The following USP37 variants were observed in gnomAD, a reference collection of about 807,000 sequenced individuals.
USP37 encodes ubiquitin carboxyl-terminal hydrolase 37.
In USP37, 27 loss-of-function variants were observed where a neutral mutation model predicts 124.0. The observed-to-expected ratio is 0.22, with a 90% CI of 0.16 to 0.30. The LOEUF is 0.30. USP37 is among the 10% of genes least tolerant of loss of function. The pLI, the probability that USP37 is intolerant of heterozygous loss-of-function variation, is 1.00. For synonymous variants in USP37, 365 were observed against 388.0 expected (o/e 0.94, Z 0.70); for missense variants, 889 against 1,140.4 (o/e 0.78, Z 3.17).
chr2:218,499,142 C>A lies in USP37; in HGVS notation c.1026-985G>T, dbSNP rs536744245. 8.2e-4 allele frequency among the ~76,000 whole-genome samples: 125 copies of A among 152,242 alleles called. No homozygotes were observed. In the Middle Eastern group the frequency reaches 0.014, roughly 17 times the overall value. On this transcript the variant is annotated intron_variant, in intron 11 of 25. Transcript: ENST00000258399. The stretch of plus-strand genomic sequence containing the variant: ...ACAAAAAATTAGCCAGGCGTGGAGG[C>A]ATGCGCCTGTAGTCCCAGCTACTTG...
intron 8 of USP37, among the ~76,000 whole-genome samples, chr2:218,544,422 TATATATATAGAGAGAGAGAGAG>T (rs1692195919): frequency 1.8e-5 from 1 of 56,334 alleles, no homozygotes; most frequent in Non-Finnish European, 3.0e-5. Context: ...TATATATATA[TATATATATAGAGAGAGAGAGAG>T]AGAGAGAGAG....
intron 8 of USP37, among the ~76,000 whole-genome samples, chr2:218,535,317 G>A (rs1319018564): frequency 6.6e-6 from 1 of 151,356 alleles, no homozygotes; most frequent in Non-Finnish European, 1.5e-5. Flanking sequence ...AGTGAGCCGT[G>A]ATCGCGCCAC....
intron 11 of USP37, among the ~76,000 whole-genome samples, chr2:218,499,081 T>C (rs1490171821): frequency 6.6e-6 from 1 of 152,172 alleles, no homozygotes; most frequent in Non-Finnish European, 1.5e-5. Context: ...GAAACCATCC[T>C]GGCTAACACG....
chr2:218,454,674 C>T lies in USP37; in HGVS notation c.*256G>A. The T allele has an allele frequency of 2.0e-6, 1 of 507,774 alleles. No individual in the cohort carries two copies. The highest frequency in any genetic ancestry group is 3.9e-5 in the East Asian group (1 of 25,400). 31.5% of individuals were successfully genotyped at this position (507,774 alleles called of 1,614,324 possible). Reference sequence around the variant, plus strand: ...CACATACACAGATATATATTTACAACATGTATTCCTAAGACAAAAGAAGTG... The same window carrying T: ...CACATACACAGATATATATTTACAATATGTATTCCTAAGACAAAAGAAGTG... On this transcript the variant is annotated 3_prime_UTR_variant, in exon 26 of 26. Coordinates refer to ENST00000258399, the MANE Select transcript of USP37 (RefSeq NM_020935.3).
rs1301016384 is a variant in USP37 at position 218,452,885 on chromosome 2, A to G, written c.*2045T>C. ...AATTTTATCACCGCTTCACTCATTT[A>G]TAAGAAAACCAATTATTTCCAAGCA... is the stretch of plus-strand genomic sequence containing the variant. On this transcript the variant is annotated 3_prime_UTR_variant, in exon 26 of 26. Transcript: ENST00000258399. The G allele has an allele frequency of 2.0e-5, 3 of 152,244 alleles. No homozygotes were observed. Among genetic ancestry groups the G allele is most frequent in the African/African-American group, 7.2e-5 (3 of 41,468 alleles). The allele number at this position is 152,244 out of a possible 1,614,324, so 9.4% of individuals were successfully genotyped here. A position where few individuals can be genotyped will look rare whatever the true frequency, so the allele number is the denominator to read the frequency against.
intron 23 of USP37, among the ~76,000 whole-genome samples, chr2:218,458,605 T>G (rs558700254): frequency 8.6e-5 from 13 of 151,782 alleles, no homozygotes; most frequent in African/African-American, 3.1e-4. Flanking sequence ...TAAAATAAAA[T>G]AAGGAAAATG....
chr2:218,492,327 A>G (rs1021676120), intron 14 of USP37, among the ~76,000 whole-genome samples: 9 of 152,234 alleles, frequency 5.9e-5, no homozygotes, highest in African/African-American at 2.2e-4. Context: ...GAACAAAAGC[A>G]AGGAAGCTCA....
At chr2:218,506,819 C>T (rs565795601) in intron 11 of USP37, among the ~76,000 whole-genome samples, 510 of 150,362 alleles carry the variant, frequency 3.4e-3, no homozygotes, top group Middle Eastern at 6.8e-3. Context: ...CTTTTTGAGA[C>T]GGAGTTTTGC....
intron 4 of USP37, 148 bp from the exon 5 acceptor site, chr2:218,553,872 TC>T (rs2106052655): frequency 1.2e-6 from 1 of 813,540 alleles, no homozygotes; most frequent in Non-Finnish European, 1.8e-6. Flanking sequence ...CAAAAGAAGT[TC>T]CCATTTCTTG....
intron 11 of USP37, among the ~76,000 whole-genome samples, chr2:218,508,184 T>G (rs1163359245): frequency 6.6e-6 from 1 of 152,140 alleles, no homozygotes; most frequent in Non-Finnish European, 1.5e-5. Context: ...TGGTTAATCT[T>G]ATGGTTTTTT....
intron 1 of USP37, among the ~76,000 whole-genome samples, chr2:218,563,722 T>C (rs1480289232): frequency 1.3e-5 from 2 of 152,242 alleles, no homozygotes; most frequent in Middle Eastern, 3.4e-3. Context: ...CTGGTAGGCA[T>C]ATAGATGTGA....
intron 20 of USP37, among the ~76,000 whole-genome samples, chr2:218,472,610 A>G (rs833084): frequency 0.66 from 100,528 of 151,636 alleles, 33,760 homozygotes; most frequent in East Asian, 0.9. Context: ...GGGATTACAG[A>G]CATGCAACAT....
intron 3 of USP37, among the ~76,000 whole-genome samples, chr2:218,560,585 A>G (rs774405097): frequency 3.9e-5 from 6 of 152,240 alleles, no homozygotes; most frequent in Non-Finnish European, 8.8e-5. Context: ...CACTAACTCA[A>G]CTATCTATAG....
At chr2:218,558,078 G>C (rs1475676953) in intron 4 of USP37, among the ~76,000 whole-genome samples, 5 of 151,894 alleles carry the variant, frequency 3.3e-5, no homozygotes, top group Non-Finnish European at 7.4e-5. Flanking sequence ...ACATTTGGCA[G>C]GATTATTCAG....
At chr2:218,549,156 C>T (rs987547023) in intron 6 of USP37, among the ~76,000 whole-genome samples, 1 of 152,206 alleles carries the variant, frequency 6.6e-6, no homozygotes, top group East Asian at 1.9e-4. Flanking sequence ...ATTTTAAGGA[C>T]ATATGTAAGT....
intron 2 of USP37, among the ~76,000 whole-genome samples, chr2:218,561,706 G>A (rs1693321682): frequency 6.6e-6 from 1 of 150,670 alleles, no homozygotes; most frequent in Non-Finnish European, 1.5e-5. Context: ...GCCTTATAAT[G>A]AACTGCAGAT....
chr2:218,550,995 C>G (rs1177097259), intron 5 of USP37, among the ~76,000 whole-genome samples: 1 of 152,002 alleles, frequency 6.6e-6, no homozygotes, highest in Non-Finnish European at 1.5e-5. Flanking sequence ...ATGTAACACC[C>G]AGAAAAGTCT....
chr2:218,550,287 G>C (rs1224331663), intron 5 of USP37, among the ~76,000 whole-genome samples: 2 of 152,126 alleles, frequency 1.3e-5, no homozygotes, highest in African/African-American at 2.4e-5. Context: ...AGTGACAGTT[G>C]TATCTCCAAT....
rs1035633853 is a variant in USP37 at position 218,491,472 on chromosome 2, T to C, written c.1473-3051A>G. Among the ~76,000 whole-genome samples the C allele has an allele frequency of 2.6e-5, 4 of 152,216 alleles. No individual in the cohort carries two copies. The South Asian group carries it at 8.3e-4, about 32-fold the overall frequency. On this transcript the variant is annotated intron_variant, in intron 14 of 25. Coordinates refer to ENST00000258399, the MANE Select transcript of USP37 (RefSeq NM_020935.3). ...GAGAGCACAGGCAGTAATACCTTTA[T>C]TTCAGCCTTATGATACTCTGAGCTG...
Sources: allele counts gnomAD v4.1 joint callset (sites outside exome capture counted in the v4.1 genomes callset), GRCh38; gene constraint gnomAD v4.1.1; transcripts MANE v1.5; gene names NCBI Gene and HGNC (gene_info 2026-07-23, HGNC 2026-07-21).